The following STYXL1 variants were observed in gnomAD, a reference collection of about 807,000 sequenced individuals.
STYXL1 encodes the protein serine/threonine/tyrosine interacting like 1, also known as serine/threonine/tyrosine-interacting-like protein 1.
STYXL1 carries 32 observed loss-of-function variants against 36.4 expected under a neutral mutation model. The ratio of observed to expected loss-of-function variants is 0.88; its 90% confidence interval spans 0.66 to 1.18. The LOEUF is 1.18. STYXL1 is among the 50% of genes most tolerant of loss of function. The probability of loss-of-function intolerance (pLI) is 0.00; values close to 1 mark genes in which losing one functional copy is unlikely to be tolerated. For synonymous variants in STYXL1, 133 were observed against 144.1 expected, an observed-to-expected ratio of 0.92 and a Z score of 0.55; for missense variants, 354 against 394.1, an observed-to-expected ratio of 0.90 and a Z score of 0.86.
chr7:76,039,226 G>T (rs1554581550), intron 1 of STYXL1, among the ~76,000 whole-genome samples: 2 of 149,080 alleles, frequency 1.3e-5, no homozygotes, highest in East Asian at 1.9e-4. Context: ...GTGAGTCACC[G>T]CACCCGGCCA....
At position 76,016,411 on chromosome 7, in the gene STYXL1, C is replaced by T. The variant is rs556630009; in HGVS notation, c.308-2524G>A. Among the ~76,000 whole-genome samples, 200 of 151,132 alleles carry T rather than the reference C, an allele frequency of 1.3e-3. 1 individual carries two copies. The highest frequency in any genetic ancestry group is 4.1e-3 in the East Asian group (21 of 5,154). On this transcript the variant is annotated intron_variant, in intron 4 of 8. Coordinates refer to ENST00000359697, the MANE Select transcript of STYXL1 (RefSeq NM_001317785.2). The stretch of plus-strand genomic sequence containing the variant: ...CGTATGTGTGTATATATACGTATAT[C>T]TATACGTATACACATATATACATAT...
chr7:76,025,110 G>C (rs888229696), intron 3 of STYXL1, among the ~76,000 whole-genome samples: 4 of 147,096 alleles, frequency 2.7e-5, no homozygotes, highest in Non-Finnish European at 6.0e-5. Context: ...GCTGGAGACA[G>C]AGGTGGTCAG....
chr7:76,031,626 AATC>A, intron 1 of STYXL1, among the ~76,000 whole-genome samples: 1 of 151,762 alleles, frequency 6.6e-6, no homozygotes, highest in South Asian at 2.1e-4. Context: ...GAGGCAGGAG[AATC>A]ACTTGAACCC....
intron 5 of STYXL1, among the ~76,000 whole-genome samples, chr7:76,009,360 T>C (rs569912027): frequency 1.8e-5 from 2 of 111,058 alleles, no homozygotes; most frequent in East Asian, 2.9e-4. Flanking sequence ...CCCAGCCCCC[T>C]CTCTCTCCTA....
intron 5 of STYXL1, among the ~76,000 whole-genome samples, 193 bp from the exon 6 acceptor site, chr7:76,005,597 A>G (rs771472773): frequency 6.6e-6 from 1 of 152,124 alleles, no homozygotes. Context: ...AGTCATGACG[A>G]AAGGACTGAG....
At chr7:76,005,659 G>T (rs1791579898) in intron 5 of STYXL1, among the ~76,000 whole-genome samples, 1 of 152,092 alleles carries the variant, frequency 6.6e-6, no homozygotes. Flanking sequence ...TCCCTCCGTG[G>T]CAACTGTTTA....
At chr7:76,033,573 A>C (rs981099620) in intron 1 of STYXL1, among the ~76,000 whole-genome samples, 2 of 151,898 alleles carry the variant, frequency 1.3e-5, no homozygotes, top group East Asian at 3.9e-4. Flanking sequence ...TCCACTTCAG[A>C]GTTACCAGAC....
chr7:76,008,467 C>A (rs1223260603), intron 5 of STYXL1, among the ~76,000 whole-genome samples: 1 of 152,132 alleles, frequency 6.6e-6, no homozygotes, highest in Admixed American at 6.6e-5. Context: ...ACATCTCACT[C>A]CCTTCCCCAC....
At chr7:76,029,904 A>C (rs1200032564) in intron 2 of STYXL1, among the ~76,000 whole-genome samples, 1 of 152,110 alleles carries the variant, frequency 6.6e-6, no homozygotes, top group Non-Finnish European at 1.5e-5. Flanking sequence ...CTTCTGCTTC[A>C]CCTGCTCACC....
At chr7:76,005,872 AGAGGAGGAGAGAGGAGGAG>A (rs1484135640) in intron 5 of STYXL1, among the ~76,000 whole-genome samples, 2 of 23,182 alleles carry the variant, frequency 8.6e-5, no homozygotes, top group African/African-American at 2.5e-4. Context: ...GGAGGAAGAG[AGAGGAGGAGAGAGGAGGAG>A]GAGGAGGAGA....
chr7:76,003,552 C>T (rs1317269426), intron 7 of STYXL1, among the ~76,000 whole-genome samples: 2 of 152,208 alleles, frequency 1.3e-5, no homozygotes, highest in African/African-American at 2.4e-5. Flanking sequence ...GTAAACACCA[C>T]GGTTGCTCGT....
At chr7:76,046,327 TGTGTGTGTGTGTGCGCGCGC>T (rs1382481430) in intron 1 of STYXL1, among the ~76,000 whole-genome samples, 674 of 13,668 alleles carry the variant, frequency 0.049, 23 homozygotes, top group Middle Eastern at 0.25. Flanking sequence ...TGTGTGTGTG[TGTGTGTGTGTGTGCGCGCGC>T]GCGCGCGCGC....
chr7:75,999,780 A>C (rs897334537), intron 8 of STYXL1, among the ~76,000 whole-genome samples: 23 of 152,012 alleles, frequency 1.5e-4, no homozygotes, highest in Non-Finnish European at 4.4e-5. Flanking sequence ...TCCTGACCTC[A>C]GGTGATCTGC....
intron 3 of STYXL1, among the ~76,000 whole-genome samples, chr7:76,024,012 AAAC>A (rs1179014671): frequency 2.6e-5 from 4 of 152,098 alleles, no homozygotes; most frequent in South Asian, 2.1e-4. Context: ...AACTGTCTCA[AAAC>A]AACAAGAACA....
chr7:76,041,692 A>G (rs1272315690), intron 1 of STYXL1, among the ~76,000 whole-genome samples: 4 of 152,202 alleles, frequency 2.6e-5, no homozygotes, highest in African/African-American at 9.6e-5. Flanking sequence ...TAAGCTAAAT[A>G]AACTTCTTTG....
chr7:76,004,586 T>C (rs1306403692), intron 6 of STYXL1, among the ~76,000 whole-genome samples: 1 of 152,126 alleles, frequency 6.6e-6, no homozygotes, highest in Non-Finnish European at 1.5e-5. Context: ...ACACCTTTAG[T>C]CCCAGCTACT....
chr7:76,042,422 T>A (rs1282300558), intron 1 of STYXL1, among the ~76,000 whole-genome samples: 4 of 132,348 alleles, frequency 3.0e-5, no homozygotes, highest in South Asian at 2.5e-4. Flanking sequence ...TTTTTTTTTT[T>A]AAGATGGAGT....
intron 1 of STYXL1, among the ~76,000 whole-genome samples, chr7:76,041,165 TCCC>T (rs1244233841): frequency 4.3e-5 from 5 of 116,622 alleles, no homozygotes; most frequent in South Asian, 5.3e-4. Flanking sequence ...AGTGAGAACC[TCCC>T]CCCATCTCCA....
At chr7:76,008,057 G>T (rs1438070889) in intron 5 of STYXL1, among the ~76,000 whole-genome samples, 1 of 151,742 alleles carries the variant, frequency 6.6e-6, no homozygotes, top group East Asian at 1.9e-4. Flanking sequence ...AAATTAGCCA[G>T]GTGTGACAGT....
Sources: allele counts gnomAD v4.1 joint callset (sites outside exome capture counted in the v4.1 genomes callset), GRCh38; gene constraint gnomAD v4.1.1; transcripts MANE v1.5; gene names NCBI Gene and HGNC (gene_info 2026-07-23, HGNC 2026-07-21).